The following TATDN2 variants were observed in gnomAD, a reference collection of about 807,000 sequenced individuals.
TATDN2 encodes TatD DNase domain containing 2.
TATDN2 carries 44 observed loss-of-function variants against 60.3 expected under a neutral mutation model. That is an observed-to-expected ratio of 0.73 (90% CI 0.57 to 0.94). The LOEUF is 0.94. Among genes scored for constraint, TATDN2 ranks in the 40% least tolerant of loss-of-function variants. The probability of loss-of-function intolerance (pLI) is 0.00; values close to 1 mark genes in which losing one functional copy is unlikely to be tolerated. For missense variants in TATDN2, 997 were observed against 948.0 expected, an observed-to-expected ratio of 1.05 and a Z score of -0.68; for synonymous variants, 399 against 355.8, an observed-to-expected ratio of 1.12 and a Z score of -1.37.
chr3:10,252,911 C>T (rs1419338734), intron 2 of TATDN2, among the ~76,000 whole-genome samples: 1 of 140,908 alleles, frequency 7.1e-6, no homozygotes, highest in African/African-American at 2.7e-5. Flanking sequence ...GGCTGGAGTG[C>T]AGTGGTGCAA....
intron 5 of TATDN2, 34 bp downstream of exon 5, chr3:10,276,522 A>G (rs369356166): frequency 4.4e-6 from 7 of 1,606,778 alleles, no homozygotes; most frequent in Admixed American, 3.4e-5. Flanking sequence ...GGCAAATGAA[A>G]GAAACACTTC....
In TATDN2 at chr3:10,270,390, A is replaced by T. The variant is rs1225506980; in HGVS notation, c.1208A>T (p.Asn403Ile). Residue 403 changes from asparagine to isoleucine, a missense_variant, in exon 4 of 8, where the codon AAC becomes ATC. Coordinates refer to ENST00000448281, the MANE Select transcript of TATDN2 (RefSeq NM_014760.4). ...TACCCCTCCACAGGCAGCAGCAGCAACGATGCAGCCCAGGTTGGGAAGAGC... is the reference window on the plus strand; with the variant it reads ...TACCCCTCCACAGGCAGCAGCAGCATCGATGCAGCCCAGGTTGGGAAGAGC... ...SSYPSTGSSS[N>I]DAAQVGKSSR... The T allele has an allele frequency of 6.2e-7, 1 of 1,614,096 alleles. No individual in the cohort carries two copies. The highest frequency in any genetic ancestry group is 2.2e-5 in the East Asian group (1 of 44,894).
At chr3:10,271,857 T>C (rs1437056935) in intron 4 of TATDN2, among the ~76,000 whole-genome samples, 1 of 151,970 alleles carries the variant, frequency 6.6e-6, no homozygotes, top group African/African-American at 2.4e-5. Flanking sequence ...GCCTCCCGAG[T>C]AGCTGAGACT....
chr3:10,270,859 G>T lies in TATDN2; in HGVS notation c.1677G>T (p.Gly559=). ...TGTTGAAAGAGGATCTGGTCTGGGG[G>T]GCCTTTGGCTGTCACCCTCATTTTG... is the stretch of plus-strand genomic sequence containing the variant. The part of the protein sequence containing the change: ...EELLKEDLVW[G]AFGCHPHFAR... The change falls in exon 4 of 8, where the codon GGG becomes GGT. Residue 559 remains glycine (G), a synonymous_variant. Transcript: ENST00000448281. The T allele has an allele frequency of 6.2e-7, 1 of 1,614,160 alleles. No homozygotes were observed. Among genetic ancestry groups the T allele is most frequent in the Non-Finnish European group, 8.5e-7 (1 of 1,180,012 alleles).
In TATDN2 at chr3:10,280,786, C is replaced by CT. The variant is rs1186570669; in HGVS notation, c.*1605dup. 1 of 153,942 alleles carries CT rather than the reference C, an allele frequency of 6.5e-6. No homozygotes were observed. Among genetic ancestry groups the CT allele is most frequent in the Non-Finnish European group, 1.5e-5 (1 of 68,206 alleles). 9.5% of individuals were successfully genotyped at this position (153,942 alleles called of 1,614,324 possible). A position where few individuals can be genotyped will look rare whatever the true frequency, so the allele number is the denominator to read the frequency against. ...GCCCATGTGGGAAGTCGGGGGGGAC[C>CT]TGATTTCCTGCTTGGAAGACTTGGG... On this transcript the variant is annotated 3_prime_UTR_variant, in exon 8 of 8. Transcript: ENST00000448281.
intron 2 of TATDN2, among the ~76,000 whole-genome samples, chr3:10,256,737 G>A (rs1381928108): frequency 6.6e-6 from 1 of 152,026 alleles, no homozygotes; most frequent in Non-Finnish European, 1.5e-5. Flanking sequence ...TGTTGTATAT[G>A]TGGCTACAGC....
At chr3:10,262,310 GTTC>G (rs1488166027) in intron 3 of TATDN2, among the ~76,000 whole-genome samples, 2 of 152,030 alleles carry the variant, frequency 1.3e-5, no homozygotes, top group Admixed American at 6.5e-5. Context: ...GTCTTCTCAT[GTTC>G]TTCTTCCTTG....
chr3:10,254,449 G>A (rs2241309), intron 2 of TATDN2, among the ~76,000 whole-genome samples: 11,387 of 152,172 alleles, frequency 0.075, 939 homozygotes, highest in African/African-American at 0.2. Context: ...TCTCTCATCC[G>A]TGCTCTCCTG....
chr3:10,262,051 G>A (rs536511233), intron 3 of TATDN2, among the ~76,000 whole-genome samples: 2 of 152,226 alleles, frequency 1.3e-5, no homozygotes, highest in African/African-American at 4.8e-5. Context: ...TCATTACTTT[G>A]TTTTTCCTTT....
chr3:10,254,381 C>T (rs1356691445), intron 2 of TATDN2, among the ~76,000 whole-genome samples: 1 of 152,130 alleles, frequency 6.6e-6, no homozygotes, highest in African/African-American at 2.4e-5. Flanking sequence ...CAATACATGC[C>T]CAAAATGTCA....
At chr3:10,270,052 A>G in intron 3 of TATDN2, 79 bp from the exon 4 acceptor site, 1 of 1,523,746 alleles carries the variant, frequency 6.6e-7, no homozygotes, top group Non-Finnish European at 8.8e-7. Context: ...GCCAGGGTTT[A>G]TGTTCAGCTG....
chr3:10,267,002 T>C (rs578190578), intron 3 of TATDN2, among the ~76,000 whole-genome samples: 1 of 149,420 alleles, frequency 6.7e-6, no homozygotes, highest in East Asian at 2.1e-4. Context: ...TCACTGCAAC[T>C]TCTGCCTCCC....
Position 10,260,684 on chromosome 3 carries a change from G to T in TATDN2, c.948+14G>T. ...GAAATCCAAAAGGTGAGTAAAGCTT[G>T]TACCAGGCATCTGACTTTTTAGTTC... On this transcript the variant is annotated intron_variant, in intron 3 of 7. Transcript: ENST00000448281. 1.2e-6 allele frequency: 2 copies of T among 1,603,844 alleles called. No individual in the cohort carries two copies. Among genetic ancestry groups the T allele is most frequent in the Non-Finnish European group, 1.7e-6 (2 of 1,174,984 alleles).
chr3:10,270,636 GC>G lies in TATDN2; in HGVS notation c.1456del (p.His486ThrfsTer6). On this transcript the variant is annotated frameshift_variant, in exon 4 of 8. Coordinates refer to ENST00000448281, the MANE Select transcript of TATDN2 (RefSeq NM_014760.4). LOFTEE classifies it high-confidence loss of function. ...GGHASSSLPK[S>X]HLEPSLEEGF... is the part of the protein sequence containing the mutation. The stretch of plus-strand genomic sequence containing the variant: ...CACGCATCCAGCTCCCTGCCAAAGA[GC>G]CACCTGGAGCCAAGCCTAGAGGAGG... 1 of 1,614,216 alleles carries G rather than the reference GC, an allele frequency of 6.2e-7. No individual in the cohort carries two copies. Among genetic ancestry groups the G allele is most frequent in the Non-Finnish European group, 8.5e-7 (1 of 1,180,038 alleles).
chr3:10,278,964 A>G lies in TATDN2; in HGVS notation c.2225A>G (p.Gln742Arg), dbSNP rs1463110719. ...CGAGAGATTGCCAGAGTCAAAGATC[A>G]GCCACTCTCCCTCACCTTGGCTGCC... is the stretch of plus-strand genomic sequence containing the variant. ...TVREIARVKD[Q>R]PLSLTLAALR... The change falls in exon 7 of 8, where the codon CAG becomes CGG. Residue 742 changes from glutamine to arginine, a missense_variant. Transcript: ENST00000448281. This position sits in a 1 kb window ranked among gnomAD's most constrained non-coding sequence, Gnocchi z 4.7. 4 of 1,614,154 alleles carry G rather than the reference A, an allele frequency of 2.5e-6. No homozygotes were observed. Among genetic ancestry groups the G allele is most frequent in the South Asian group, 1.1e-5 (1 of 91,074 alleles).
intron 5 of TATDN2, among the ~76,000 whole-genome samples, chr3:10,276,778 G>A (rs1202930900): frequency 1.3e-5 from 2 of 152,088 alleles, no homozygotes; most frequent in Non-Finnish European, 2.9e-5. Flanking sequence ...AAGTAGAGAC[G>A]GGGTTTTGCC....
At chr3:10,254,430 G>A (rs2125171844) in intron 2 of TATDN2, among the ~76,000 whole-genome samples, 1 of 152,298 alleles carries the variant, frequency 6.6e-6, no homozygotes, top group East Asian at 1.9e-4. Flanking sequence ...GGCACTGCTG[G>A]CCCTCCCTTC....
intron 3 of TATDN2, among the ~76,000 whole-genome samples, chr3:10,268,997 T>C (rs920020366): frequency 1.3e-5 from 2 of 152,214 alleles, no homozygotes; most frequent in African/African-American, 2.4e-5. Flanking sequence ...GGCAGGTGTT[T>C]CTTGGGGAGC....
intron 3 of TATDN2, among the ~76,000 whole-genome samples, chr3:10,269,698 C>G (rs536267655): frequency 1.8e-4 from 27 of 151,796 alleles, no homozygotes; most frequent in South Asian, 6.3e-4. Flanking sequence ...AAGACCCTGT[C>G]TGAAAAAAAA....
Sources: gnomAD v4.1 joint callset for allele counts (sites outside exome capture counted in the v4.1 genomes callset) on GRCh38, gnomAD v4.1.1 for gene constraint, Gnocchi (gnomAD v3.1) non-coding constraint, MANE v1.5 for transcripts, NCBI Gene and HGNC (gene_info 2026-07-23, HGNC 2026-07-21) for gene names.